ODAD2: variants seen among roughly 807,000 people sequenced by gnomAD.
The protein encoded by ODAD2 is outer dynein arm docking complex subunit 2.
Under a neutral mutation model 106.8 loss-of-function variants are expected in ODAD2, and 89 were observed. That is an observed-to-expected ratio of 0.83 (90% CI 0.70 to 0.99). The LOEUF is 0.99. Ranked by LOEUF, ODAD2 falls within the 50% of genes least tolerant of loss-of-function variation. The pLI, the probability that ODAD2 is intolerant of heterozygous loss-of-function variation, is 0.00. For synonymous variants in ODAD2, 404 were observed against 436.2 expected, an observed-to-expected ratio of 0.93 and a Z score of 0.92; for missense variants, 1,168 against 1,238.5, an observed-to-expected ratio of 0.94 and a Z score of 0.85.
chr10:27,959,234 G>A (rs1252647311), intron 10 of ODAD2, among the ~76,000 whole-genome samples: 1 of 91,850 alleles, frequency 1.1e-5, no homozygotes, highest in Non-Finnish European at 2.2e-5. Flanking sequence ...GAGGGGAGGC[G>A]AGGAGGGGAG....
intron 10 of ODAD2, among the ~76,000 whole-genome samples, chr10:27,953,390 C>G (rs1847503766): frequency 6.6e-6 from 1 of 152,114 alleles, no homozygotes; most frequent in South Asian, 2.1e-4. Flanking sequence ...CCTATTACTG[C>G]TATCAAAAAT....
Position 27,909,368 on chromosome 10 carries a change from C to G in ODAD2, c.2496-1591G>C, listed in dbSNP as rs139206744. On this transcript the variant is annotated intron_variant, in intron 16 of 19. Coordinates refer to ENST00000305242, the MANE Select transcript of ODAD2 (RefSeq NM_018076.5). ...CAAAATTTCACAATTAACTTTAAAA[C>G]AAGTTATAGACAAAATTTCACAATT... Among the ~76,000 whole-genome samples, 12 of 152,190 alleles carry G rather than the reference C, an allele frequency of 7.9e-5. No homozygotes were observed. The East Asian group carries it at 1.9e-3, about 25-fold the overall frequency.
chr10:27,987,363 A>G, intron 3 of ODAD2, 23 bp downstream of exon 3: 3 of 1,601,048 alleles, frequency 1.9e-6, no homozygotes, highest in Non-Finnish European at 2.6e-6. Flanking sequence ...AGTTCAAATC[A>G]CAGACTGGAG....
rs532031052 is a variant in ODAD2, at chr10:27,897,167, G to A, written c.2610+10496C>T. On this transcript the variant is annotated intron_variant, in intron 17 of 19. Coordinates refer to ENST00000305242, the MANE Select transcript of ODAD2 (RefSeq NM_018076.5). ...TGGTTTTCCCATCCCCTTCCCACCC[G>A]CCTGCCTTCTTTCTTTACTTCACTC... Among the ~76,000 whole-genome samples, 24 of 151,364 alleles carry A rather than the reference G, an allele frequency of 1.6e-4. No homozygotes were observed. The South Asian group carries it at 3.8e-3, about 24-fold the overall frequency.
intron 16 of ODAD2, among the ~76,000 whole-genome samples, chr10:27,910,783 C>A (rs1431272438): frequency 2.0e-5 from 3 of 151,644 alleles, no homozygotes; most frequent in African/African-American, 4.8e-5. Flanking sequence ...AACAAACAAA[C>A]AAAAAAACAG....
intron 17 of ODAD2, among the ~76,000 whole-genome samples, chr10:27,874,408 T>C (rs1841159644): frequency 6.6e-6 from 1 of 152,196 alleles, no homozygotes; most frequent in Non-Finnish European, 1.5e-5. Context: ...TGATGTTAGC[T>C]GGTTCTTTTG....
At chr10:27,816,084 G>A (rs1263650585) in intron 19 of ODAD2, among the ~76,000 whole-genome samples, 3 of 152,068 alleles carry the variant, frequency 2.0e-5, no homozygotes, top group African/African-American at 7.2e-5. Context: ...GCATCCAACT[G>A]ATTATCATAT....
At chr10:27,894,021 T>C (rs1842718301) in intron 17 of ODAD2, among the ~76,000 whole-genome samples, 1 of 152,162 alleles carries the variant, frequency 6.6e-6, no homozygotes, top group South Asian at 2.1e-4. Context: ...GGCTCAGGCC[T>C]GGAGTCCTAA....
intron 17 of ODAD2, among the ~76,000 whole-genome samples, chr10:27,868,749 G>A (rs184971694): frequency 9.6e-4 from 145 of 151,790 alleles, no homozygotes; most frequent in African/African-American, 3.3e-3. Context: ...CTAGGTGATG[G>A]GTTAATAGGT....
intron 16 of ODAD2, among the ~76,000 whole-genome samples, chr10:27,910,006 C>A (rs897000852): frequency 1.3e-5 from 2 of 152,054 alleles, no homozygotes; most frequent in African/African-American, 4.8e-5. Flanking sequence ...CTAAATTTTA[C>A]TTCACAATGA....
chr10:27,841,396 T>C (rs1194353394), intron 19 of ODAD2, among the ~76,000 whole-genome samples: 3 of 152,182 alleles, frequency 2.0e-5, no homozygotes, highest in Non-Finnish European at 4.4e-5. Context: ...TCCCTTCTTT[T>C]TTCTTATTTT....
Position 27,860,490 on chromosome 10 carries a change from T to G in ODAD2, c.3021+135A>C, listed in dbSNP as rs139921169. 4.5e-4 allele frequency: 335 copies of G among 746,406 alleles called. 4 individuals are homozygous for G. Among genetic ancestry groups the G allele is most frequent in the South Asian group, 3.7e-3 (207 of 56,168 alleles). The allele number at this position is 746,406 out of a possible 1,614,324, so 46.2% of individuals were successfully genotyped here. On this transcript the variant is annotated intron_variant, in intron 19 of 19. Coordinates refer to ENST00000305242, the MANE Select transcript of ODAD2 (RefSeq NM_018076.5). Reference sequence around the variant, plus strand: ...AAGTCATGATAACACATGGCTTGAATGCAGCCATGATGCAGCAGGCAGGCA... The same window carrying G: ...AAGTCATGATAACACATGGCTTGAAGGCAGCCATGATGCAGCAGGCAGGCA...
intron 17 of ODAD2, among the ~76,000 whole-genome samples, chr10:27,887,237 C>G (rs1842285402): frequency 6.6e-6 from 1 of 151,736 alleles, no homozygotes; most frequent in Non-Finnish European, 1.5e-5. Flanking sequence ...ACAAAATAGC[C>G]TTAAATCAAA....
chr10:27,948,242 G>A (rs1034169973), intron 10 of ODAD2, among the ~76,000 whole-genome samples: 1 of 128,546 alleles, frequency 7.8e-6, no homozygotes, highest in African/African-American at 2.5e-5. Context: ...TCATAGGCTT[G>A]AGGGATTTTT....
At chr10:27,939,683 AGC>A (rs1846246194) in intron 14 of ODAD2, among the ~76,000 whole-genome samples, 5 of 152,100 alleles carry the variant, frequency 3.3e-5, no homozygotes. Flanking sequence ...AGTGACAGTG[AGC>A]TATGATTGTG....
rs538428971 is a variant in ODAD2, at chr10:27,847,112, C to T, written c.3021+13513G>A. Among the ~76,000 whole-genome samples, 12 of 152,024 alleles carry T rather than the reference C, an allele frequency of 7.9e-5. 1 individual carries two copies. In the South Asian group the frequency reaches 1.7e-3, roughly 21 times the overall value. The stretch of plus-strand genomic sequence containing the variant: ...TCCTGATACCAAAGCCTGGCAGAGA[C>T]ACAGAAAAAAAAGAGAATTTTAGAC... On this transcript the variant is annotated intron_variant, in intron 19 of 19. Coordinates refer to ENST00000305242, the MANE Select transcript of ODAD2 (RefSeq NM_018076.5).
chr10:27,998,794 C>A (rs1469864130), intron 1 of ODAD2, among the ~76,000 whole-genome samples, 200 bp downstream of exon 1: 5 of 152,130 alleles, frequency 3.3e-5, no homozygotes, highest in Admixed American at 2.0e-4. Context: ...GACCCCCAGC[C>A]GCACTCACCT....
chr10:27,939,253 T>C (rs915458044), intron 14 of ODAD2, among the ~76,000 whole-genome samples: 2 of 152,212 alleles, frequency 1.3e-5, no homozygotes, highest in African/African-American at 4.8e-5. Context: ...TACTTATTTA[T>C]CTATTTTACG....
chr10:27,908,249 T>C (rs921797300), intron 16 of ODAD2, among the ~76,000 whole-genome samples: 1 of 152,334 alleles, frequency 6.6e-6, no homozygotes, highest in Non-Finnish European at 1.5e-5. Context: ...GGAATTAAAA[T>C]CATTACACCA....
Sources: allele counts gnomAD v4.1 joint callset (sites outside exome capture counted in the v4.1 genomes callset), GRCh38; gene constraint gnomAD v4.1.1; transcripts MANE v1.5; gene names NCBI Gene and HGNC (gene_info 2026-07-23, HGNC 2026-07-21).